DOCK1: variants seen among roughly 807,000 people sequenced by gnomAD.
The protein encoded by DOCK1 is dedicator of cytokinesis protein 1.
Under a neutral mutation model 262.7 loss-of-function variants are expected in DOCK1, and 138 were observed. That is an observed-to-expected ratio of 0.53 (90% CI 0.46 to 0.61). The LOEUF is 0.61. Among genes scored for constraint, DOCK1 ranks in the 20% least tolerant of loss-of-function variants. The pLI, the probability that DOCK1 is intolerant of heterozygous loss-of-function variation, is 0.00. For synonymous variants in DOCK1, 866 were observed against 867.4 expected (o/e 1.00, Z 0.03); for missense variants, 1,908 against 2,370.7 (o/e 0.80, Z 4.05).
At chr10:127,301,075 G>A (rs2061662724) in intron 29 of DOCK1, among the ~76,000 whole-genome samples, 1 of 152,202 alleles carries the variant, frequency 6.6e-6, no homozygotes, top group Non-Finnish European at 1.5e-5. Flanking sequence ...TGTCCTAGCA[G>A]CACGCATCAG....
chr10:127,186,499 G>A (rs2056243340), intron 27 of DOCK1, among the ~76,000 whole-genome samples: 1 of 75,172 alleles, frequency 1.3e-5, no homozygotes, highest in Admixed American at 1.6e-4. Flanking sequence ...AACAGCATGG[G>A]AGAAACCGCC....
chr10:127,404,522 G>T (rs541526900), intron 40 of DOCK1, 93 bp downstream of exon 40: 20 of 1,230,078 alleles, frequency 1.6e-5, no homozygotes, highest in African/African-American at 3.0e-5. Flanking sequence ...GTTTGCATCC[G>T]CGTGGGATCG....
chr10:126,910,831 G>A (rs1431319672), intron 1 of DOCK1, among the ~76,000 whole-genome samples: 2 of 152,028 alleles, frequency 1.3e-5, no homozygotes, highest in Admixed American at 1.3e-4. Context: ...AATTGCATAG[G>A]AGGTAAGCTT....
chr10:127,259,572 T>C (rs577912017), intron 29 of DOCK1, among the ~76,000 whole-genome samples: 1 of 152,204 alleles, frequency 6.6e-6, no homozygotes, highest in East Asian at 2.0e-4. Flanking sequence ...TGGATGCTGC[T>C]CTCCACCTCT....
At chr10:127,390,859 A>G (rs1565051725) in intron 38 of DOCK1, among the ~76,000 whole-genome samples, 2 of 152,244 alleles carry the variant, frequency 1.3e-5, no homozygotes. Flanking sequence ...TACTCTTTAA[A>G]AGGTAGCAGC....
chr10:126,968,009 T>G (rs1238681111), intron 1 of DOCK1, among the ~76,000 whole-genome samples: 1 of 151,570 alleles, frequency 6.6e-6, no homozygotes, highest in Non-Finnish European at 1.5e-5. Context: ...AGAGACGGGG[T>G]TTTGCCTTGA....
At chr10:127,199,149 A>T (rs770971324) in intron 27 of DOCK1, among the ~76,000 whole-genome samples, 1 of 152,206 alleles carries the variant, frequency 6.6e-6, no homozygotes, top group South Asian at 2.1e-4. Flanking sequence ...GTTGAAAAAG[A>T]TAGACTTGCA....
intron 28 of DOCK1, among the ~76,000 whole-genome samples, chr10:127,252,233 G>T: frequency 7.2e-6 from 1 of 139,314 alleles, no homozygotes; most frequent in Non-Finnish European, 1.6e-5. Context: ...TGATGGGGTT[G>T]TTTGTTTTTT....
intron 27 of DOCK1, among the ~76,000 whole-genome samples, chr10:127,236,531 C>T (rs536467368): frequency 2.8e-4 from 17 of 60,384 alleles, no homozygotes; most frequent in African/African-American, 9.2e-4. Flanking sequence ...TTTTTGAAAT[C>T]AGTTAACCCT....
chr10:127,367,122 C>G (rs2133983086), intron 33 of DOCK1, among the ~76,000 whole-genome samples: 1 of 152,344 alleles, frequency 6.6e-6, no homozygotes, highest in East Asian at 1.9e-4. Context: ...CAGGATTAAA[C>G]TGCACCAAAC....
rs1364200071 is a variant in DOCK1, at chr10:126,987,583, G to A, written c.290G>A (p.Arg97Gln). 7 of 1,572,252 alleles carry A rather than the reference G, an allele frequency of 4.5e-6. No individual in the cohort carries two copies. The highest frequency in any genetic ancestry group is 2.3e-5 in the South Asian group (2 of 85,174). Residue 97 changes from arginine (R) to glutamine (Q), a missense_variant, in exon 5 of 52, where the codon CGA becomes CAA. By Grantham distance (43) the Arg-to-Gln change is conservative (BLOSUM62 1). This residue lies in a region of DOCK1 where 227 missense variants were observed against 254.1 expected (regional missense o/e 0.89). Transcript: ENST00000623213. ...ATCCAGGAAGTCACCACGACACTCC[G>A]AGAGTGGTCCACCATCTGGAGGCAG... ...PLIQEVTTTL[R>Q]EWSTIWRQLY...
intron 5 of DOCK1, among the ~76,000 whole-genome samples, chr10:126,989,670 C>A (rs1331839962): frequency 6.6e-6 from 1 of 152,174 alleles, no homozygotes; most frequent in African/African-American, 2.4e-5. Flanking sequence ...AATTTCTTTT[C>A]ATGGAAAGAA....
intron 29 of DOCK1, among the ~76,000 whole-genome samples, chr10:127,320,262 G>A (rs1467307781): frequency 6.6e-6 from 1 of 152,148 alleles, no homozygotes; most frequent in Admixed American, 6.5e-5. Context: ...AAAGGAATCT[G>A]GCAGGAAAAG....
chr10:127,405,441 C>CTTTT (rs36056116), intron 40 of DOCK1, among the ~76,000 whole-genome samples: 2 of 134,152 alleles, frequency 1.5e-5, no homozygotes, highest in Non-Finnish European at 3.1e-5. Context: ...TTTCTTATGA[C>CTTTT]TTTTTTTTTT....
intron 25 of DOCK1, among the ~76,000 whole-genome samples, chr10:127,120,569 C>T (rs2049494773): frequency 1.3e-5 from 2 of 152,168 alleles, no homozygotes; most frequent in African/African-American, 4.8e-5. Context: ...ACTTACAGCA[C>T]ATCTCTGTTT....
At chr10:127,263,755 C>T (rs990877503) in intron 29 of DOCK1, among the ~76,000 whole-genome samples, 2 of 152,196 alleles carry the variant, frequency 1.3e-5, no homozygotes, top group African/African-American at 4.8e-5. Context: ...GCAGCATAGT[C>T]TAAATGGCCA....
chr10:127,349,257 C>T (rs1168346647), intron 31 of DOCK1, among the ~76,000 whole-genome samples: 3 of 152,038 alleles, frequency 2.0e-5, no homozygotes, highest in Non-Finnish European at 4.4e-5. Context: ...TGCCCCAGAA[C>T]CTCAGCCAGG....
At chr10:127,402,962 A>G (rs2067308957) in intron 38 of DOCK1, 93 bp from the exon 39 acceptor site, 7 of 1,124,958 alleles carry the variant, frequency 6.2e-6, no homozygotes, top group Admixed American at 2.3e-5. Flanking sequence ...ATGTACTTCT[A>G]CACTGTTTTA....
chr10:127,248,007 G>T lies in DOCK1; in HGVS notation c.2848-1G>T. ...AATTCTATCTTTTGATTCATTTACA[G>T]GGAAACTTCGTGGCTTGCATGACAG... On this transcript the variant is annotated splice_acceptor_variant, in intron 27 of 51. Transcript: ENST00000623213. LOFTEE classifies it high-confidence loss of function. The T allele has an allele frequency of 6.2e-7, 1 of 1,613,724 alleles. No individual in the cohort carries two copies. Among genetic ancestry groups the T allele is most frequent in the South Asian group, 1.1e-5 (1 of 91,016 alleles).
Sources: gnomAD v4.1 joint callset for allele counts (sites outside exome capture counted in the v4.1 genomes callset) on GRCh38, gnomAD v4.1.1 for gene constraint, gnomAD v4.1.1 regional missense constraint, MANE v1.5 for transcripts, NCBI Gene and HGNC (gene_info 2026-07-23, HGNC 2026-07-21) for gene names.